Variants in CACNA2D4 observed in about 807,000 individuals in gnomAD.
CACNA2D4 encodes the protein calcium voltage-gated channel auxiliary subunit alpha2delta 4, also known as voltage-dependent calcium channel subunit alpha-2/delta-4.
In CACNA2D4, 157 loss-of-function variants were observed where a neutral mutation model predicts 163.8. The observed-to-expected ratio is 0.96, with a 90% CI of 0.84 to 1.09. The LOEUF is 1.09. Among genes scored for constraint, CACNA2D4 ranks in the 50% least tolerant of loss-of-function variants. The pLI, the probability that CACNA2D4 is intolerant of heterozygous loss-of-function variation, is 0.00. For synonymous variants in CACNA2D4, 598 were observed against 586.9 expected (o/e 1.02, Z -0.27); for missense variants, 1,410 against 1,479.9 (o/e 0.95, Z 0.78).
At chr12:1,877,561 G>A (rs1279377526) in intron 16 of CACNA2D4, among the ~76,000 whole-genome samples, 1 of 152,232 alleles carries the variant, frequency 6.6e-6, no homozygotes, top group African/African-American at 2.4e-5. Flanking sequence ...TGAATGGAGT[G>A]TGGCTTAGAC....
Position 1,815,263 on chromosome 12 carries a change from C to T in CACNA2D4, c.2552-3540G>A, listed in dbSNP as rs373573022. 6.3e-5 allele frequency among the ~76,000 whole-genome samples: 9 copies of T among 142,976 alleles called. 1 individual carries two copies. The highest frequency in any genetic ancestry group is 3.9e-4 in the East Asian group (2 of 5,188). The allele number at this position is 142,976 out of a possible 152,430, so 93.8% of individuals were successfully genotyped here. A position where few individuals can be genotyped will look rare whatever the true frequency, so the allele number is the denominator to read the frequency against. On this transcript the variant is annotated intron_variant, in intron 26 of 37. Transcript: ENST00000382722. ...GCTCTGCTGATTTCTCTGATTTCAT[C>T]CAGAAACACTTCACCTCTCAAACAT... is the stretch of plus-strand genomic sequence containing the variant.
At chr12:1,918,094 T>G (rs1386342522) in intron 1 of CACNA2D4, 153 bp downstream of exon 1, 2 of 651,510 alleles carry the variant, frequency 3.1e-6, no homozygotes, top group Non-Finnish European at 5.4e-6. Context: ...GCAAAGGGCT[T>G]TACAGCAAGA....
At chr12:1,884,655 C>G in intron 11 of CACNA2D4, 113 bp downstream of exon 11, 1 of 716,512 alleles carries the variant, frequency 1.4e-6, no homozygotes, top group Non-Finnish European at 2.4e-6. Context: ...AAGAATGGCT[C>G]TAATAGGAAA....
intron 6 of CACNA2D4, among the ~76,000 whole-genome samples, chr12:1,890,390 C>T (rs1023238379): frequency 6.6e-6 from 1 of 152,246 alleles, no homozygotes; most frequent in Non-Finnish European, 1.5e-5. Context: ...ACCACCATGG[C>T]TGGATGCTGC....
In CACNA2D4 at chr12:1,798,743, G is replaced by A. The variant is rs1863211550; in HGVS notation, c.2995+932C>T. ...CCCAGAGAAGAGAAATTCTGAGCAGGCAGATTGAGGGGGATCATCTTCAAC... is the reference window on the plus strand; with the variant it reads ...CCCAGAGAAGAGAAATTCTGAGCAGACAGATTGAGGGGGATCATCTTCAAC... On this transcript the variant is annotated intron_variant, in intron 34 of 37. Coordinates refer to ENST00000382722, the MANE Select transcript of CACNA2D4 (RefSeq NM_172364.5). The surrounding 1 kb of genome is among the most constrained non-coding windows in gnomAD (Gnocchi z 4.3). Among the ~76,000 whole-genome samples, 1 of 152,194 alleles carries A rather than the reference G, an allele frequency of 6.6e-6. No individual in the cohort carries two copies. Among genetic ancestry groups the A allele is most frequent in the Non-Finnish European group, 1.5e-5 (1 of 68,034 alleles).
In CACNA2D4 at chr12:1,833,386, A is replaced by T. The variant is rs1020530269; in HGVS notation, c.2551+7353T>A. 6.6e-6 allele frequency among the ~76,000 whole-genome samples: 1 copy of T among 152,116 alleles called. No individual in the cohort carries two copies. The highest frequency in any genetic ancestry group is 2.4e-5 in the African/African-American group (1 of 41,400). On this transcript the variant is annotated intron_variant, in intron 26 of 37. Transcript: ENST00000382722. The surrounding 1 kb of genome is among the most constrained non-coding windows in gnomAD (Gnocchi z 4.2). ...TTCCTAGGGGAGGTCTAGACAGATTATTGTCCTCAACCACCTTCTCTCTCA... is the reference window on the plus strand; with the variant it reads ...TTCCTAGGGGAGGTCTAGACAGATTTTTGTCCTCAACCACCTTCTCTCTCA...
chr12:1,878,933 A>G lies in CACNA2D4; in HGVS notation c.1644+23T>C, dbSNP rs745738924. ...TGCTCCTGGGGAACCTGTGATCCCCACAGGGAACAGACCCAGGCTCACCTT... is the reference window on the plus strand; with the variant it reads ...TGCTCCTGGGGAACCTGTGATCCCCGCAGGGAACAGACCCAGGCTCACCTT... On this transcript the variant is annotated intron_variant, in intron 15 of 37. Coordinates refer to ENST00000382722, the MANE Select transcript of CACNA2D4 (RefSeq NM_172364.5). The surrounding 1 kb of genome is among the most constrained non-coding windows in gnomAD (Gnocchi z 4.6). 44 of 1,606,118 alleles carry G rather than the reference A, an allele frequency of 2.7e-5. No homozygotes were observed. Among genetic ancestry groups the G allele is most frequent in the Non-Finnish European group, 3.6e-5 (42 of 1,173,412 alleles).
chr12:1,900,277 C>T (rs962387208), intron 6 of CACNA2D4, among the ~76,000 whole-genome samples: 11 of 152,122 alleles, frequency 7.2e-5, no homozygotes, highest in African/African-American at 2.4e-4. Context: ...AGGTGCACAC[C>T]ACCACGACTG....
chr12:1,893,343 C>G (rs1033773133), intron 6 of CACNA2D4, among the ~76,000 whole-genome samples: 2 of 151,984 alleles, frequency 1.3e-5, no homozygotes, highest in Admixed American at 6.6e-5. Flanking sequence ...TGGTGAAACC[C>G]CATCTCTACT....
intron 29 of CACNA2D4, among the ~76,000 whole-genome samples, chr12:1,804,733 G>A (rs1383331718): frequency 6.6e-6 from 1 of 152,248 alleles, no homozygotes; most frequent in East Asian, 1.9e-4. Flanking sequence ...AAGGCCTCCT[G>A]CCTCTTCCCC....
chr12:1,840,750 G>A lies in CACNA2D4; in HGVS notation c.2540C>T (p.Ala847Val). The change falls in exon 26 of 38, where the codon GCC (alanine) becomes GTC (valine). Residue 847 changes from alanine (A) to valine (V), a missense_variant. Ala to Val is a moderately conservative substitution (Grantham distance 64). Transcript: ENST00000382722. The stretch of plus-strand genomic sequence containing the variant: ...AGGGCCGTTCCTACCTGCAGCAATG[G>A]CTGTCCTCTTGTCCACGGTCACCGC... ...AVAVTVDKRTAIAAAAGVQMK... is the reference protein window; with the variant it reads ...AVAVTVDKRTVIAAAAGVQMK... 1 of 1,613,686 alleles carries A rather than the reference G, an allele frequency of 6.2e-7. No homozygotes were observed. Among genetic ancestry groups the A allele is most frequent in the Non-Finnish European group, 8.5e-7 (1 of 1,179,742 alleles).
intron 26 of CACNA2D4, among the ~76,000 whole-genome samples, chr12:1,814,662 G>A (rs1287135100): frequency 6.6e-6 from 1 of 152,124 alleles, no homozygotes; most frequent in Non-Finnish European, 1.5e-5. Context: ...GCACACCTCA[G>A]TTCCAAAACT....
intron 18 of CACNA2D4, among the ~76,000 whole-genome samples, chr12:1,864,545 A>G (rs2154448745): frequency 6.6e-6 from 1 of 152,362 alleles, no homozygotes; most frequent in African/African-American, 2.4e-5. Context: ...GGGGATGAAC[A>G]GAGACCCCAG....
chr12:1,792,412 CTTGAACT>C lies in CACNA2D4; in HGVS notation c.*1236_*1242del, dbSNP rs936592268. ...GGTAGGAAACTTGAACAGCTTTGAACTTGAACTTTGAAGTGTGGAGGCTGAGGGTGAT... is the reference window on the plus strand; with the variant it reads ...GGTAGGAAACTTGAACAGCTTTGAACTTGAAGTGTGGAGGCTGAGGGTGAT... On this transcript the variant is annotated 3_prime_UTR_variant, in exon 38 of 38. Coordinates refer to ENST00000382722, the MANE Select transcript of CACNA2D4 (RefSeq NM_172364.5). The C allele has an allele frequency of 6.6e-6, 1 of 152,152 alleles. No homozygotes were observed. Among genetic ancestry groups the C allele is most frequent in the African/African-American group, 2.4e-5 (1 of 41,420 alleles). 9.4% of individuals were successfully genotyped at this position (152,152 alleles called of 1,614,324 possible).
Position 1,886,976 on chromosome 12 carries a change from C to T in CACNA2D4, c.842+33G>A, listed in dbSNP as rs747266464. The T allele has an allele frequency of 2.6e-5, 40 of 1,522,114 alleles. 1 individual carries two copies. In the African/African-American group the frequency reaches 3.1e-4, roughly 12 times the overall value. 94.3% of individuals were successfully genotyped at this position (1,522,114 alleles called of 1,614,324 possible). On this transcript the variant is annotated intron_variant, in intron 7 of 37. Coordinates refer to ENST00000382722, the MANE Select transcript of CACNA2D4 (RefSeq NM_172364.5). ...ACCCAAAAGCTATGAGATAAATACCCGGGCCGCAAACCTTTCCCCTGTGAG... is the reference window on the plus strand; with the variant it reads ...ACCCAAAAGCTATGAGATAAATACCTGGGCCGCAAACCTTTCCCCTGTGAG...
chr12:1,879,127 G>A (rs1178792602), intron 14 of CACNA2D4, 91 bp from the exon 15 acceptor site: 25 of 978,542 alleles, frequency 2.6e-5, no homozygotes, highest in Non-Finnish European at 4.0e-5. Flanking sequence ...GCCTGGAAGA[G>A]GAAGCCACTT....
intron 29 of CACNA2D4, among the ~76,000 whole-genome samples, 182 bp from the exon 30 acceptor site, chr12:1,801,826 G>A (rs1863344392): frequency 6.6e-6 from 1 of 152,118 alleles, no homozygotes; most frequent in Non-Finnish European, 1.5e-5. Flanking sequence ...GTCCGGTCCT[G>A]GCTCCCTCCT....
At position 1,875,340 on chromosome 12, in the gene CACNA2D4, G is replaced by T. The variant is rs758846394; in HGVS notation, c.1720-3C>A. The T allele has an allele frequency of 6.3e-7, 1 of 1,597,392 alleles. No homozygotes were observed. Among genetic ancestry groups the T allele is most frequent in the African/African-American group, 1.3e-5 (1 of 74,726 alleles). ...TTTAGTTTCTTCCCCTCTCTGTACT[G>T]GAGTGGGCAGGTCAGGAAGAAAAAC... is the stretch of plus-strand genomic sequence containing the variant. On this transcript the variant is annotated splice_polypyrimidine_tract_variant and splice_region_variant and intron_variant, in intron 16 of 37. Coordinates refer to ENST00000382722, the MANE Select transcript of CACNA2D4 (RefSeq NM_172364.5). The surrounding 1 kb of genome is among the most constrained non-coding windows in gnomAD (Gnocchi z 4.0).
intron 26 of CACNA2D4, among the ~76,000 whole-genome samples, chr12:1,821,489 T>C (rs1247573476): frequency 6.6e-6 from 1 of 152,166 alleles, no homozygotes; most frequent in Non-Finnish European, 1.5e-5. Context: ...AGCCCTTCCC[T>C]GCTAGCCCAA....
Sources: allele counts gnomAD v4.1 joint callset (sites outside exome capture counted in the v4.1 genomes callset), GRCh38; gene constraint gnomAD v4.1.1; non-coding constraint Gnocchi (gnomAD v3.1); transcripts MANE v1.5; gene names NCBI Gene and HGNC (gene_info 2026-07-23, HGNC 2026-07-21).